Variants in SRF observed in about 807,000 individuals in gnomAD.
The protein encoded by SRF is c-fos serum response element-binding transcription factor.
SRF carries 7 observed loss-of-function variants against 37.1 expected under a neutral mutation model. That is an observed-to-expected ratio of 0.19 (90% confidence interval 0.11 to 0.35). The LOEUF (loss-of-function observed/expected upper bound fraction) is 0.35. Ranked by LOEUF, SRF falls within the 10% of genes least tolerant of loss-of-function variation. SRF has a pLI of 1.00. For synonymous variants in SRF, 285 were observed against 310.1 expected (o/e 0.92, Z 0.85); for missense variants, 395 against 694.4 (o/e 0.57, Z 4.85).
At position 43,172,166 on chromosome 6, in the gene SRF, G is replaced by A. The variant is rs765178182; in HGVS notation, c.510G>A (p.Lys170=). The A allele has an allele frequency of 4.3e-5, 70 of 1,609,826 alleles. 1 individual carries two copies. The highest frequency in any genetic ancestry group is 5.6e-5 in the Non-Finnish European group (66 of 1,179,624). The stretch of plus-strand genomic sequence containing the variant: ...GCAAGAGGAAGACGGGCATCATGAA[G>A]AAGGTACCAAGCCGGGGGGCTGGCC... ...TFSKRKTGIM[K]KAYELSTLTG... is the part of the protein sequence containing the mutation. The change falls in exon 1 of 7, where the codon AAG becomes AAA. Residue 170 remains lysine, a synonymous_variant. Coordinates refer to ENST00000265354, the MANE Select transcript of SRF (RefSeq NM_003131.4). The surrounding 1 kb of genome is among the most constrained non-coding windows in gnomAD (Gnocchi z 5.7).
At position 43,178,534 on chromosome 6, in the gene SRF, T is replaced by TACACACACAC. The variant is rs112596376; in HGVS notation, c.1354+59_1354+68dup. 3.5e-4 allele frequency: 524 copies of TACACACACAC among 1,506,958 alleles called. 1 individual carries two copies. The African/African-American group carries it at 6.8e-3, about 20-fold the overall frequency. 93.3% of individuals were successfully genotyped at this position (1,506,958 alleles called of 1,614,324 possible). On this transcript the variant is annotated intron_variant, in intron 5 of 6. Transcript: ENST00000265354. The surrounding 1 kb of genome is among the most constrained non-coding windows in gnomAD (Gnocchi z 4.3). The stretch of plus-strand genomic sequence containing the variant: ...GAAAGGAGGACCGTTTCCTTCTTTA[T>TACACACACAC]ACACACACACACACACACATACACA...
Position 43,174,085 on chromosome 6 carries a change from C to A in SRF, c.752C>A (p.Ser251Ter). Residue 251 changes from serine to a stop codon, truncating the protein, a stop_gained, in exon 2 of 7, where the codon TCG becomes TAG. Coordinates refer to ENST00000265354, the MANE Select transcript of SRF (RefSeq NM_003131.4). LOFTEE classifies it high-confidence loss of function. Reference protein sequence around the residue: ...FEETDLTYQVSESDSSGETKD... With the variant: ...FEETDLTYQV ...GAGACAGATCTCACCTACCAGGTGTCGGAGTCTGACAGCAGTGGGGAGACC... is the reference window on the plus strand; with the variant it reads ...GAGACAGATCTCACCTACCAGGTGTAGGAGTCTGACAGCAGTGGGGAGACC... 2 of 1,614,156 alleles carry A rather than the reference C, an allele frequency of 1.2e-6. No homozygotes were observed. The highest frequency in any genetic ancestry group is 2.2e-5 in the South Asian group (2 of 91,072).
chr6:43,179,716 C>G lies in SRF; in HGVS notation c.*526C>G, dbSNP rs1041728586. On this transcript the variant is annotated 3_prime_UTR_variant, in exon 7 of 7. Transcript: ENST00000265354. This position sits in a 1 kb window ranked among gnomAD's most constrained non-coding sequence, Gnocchi z 5.3. ...CTTCCTCACACTGCTGTCCTCTCCC[C>G]CTTCAGCTCCTGAGTAGCTGGGCCT... 4 of 164,900 alleles carry G rather than the reference C, an allele frequency of 2.4e-5. No homozygotes were observed. Among genetic ancestry groups the G allele is most frequent in the Non-Finnish European group, 5.4e-5 (4 of 74,328 alleles). The allele number at this position is 164,900 out of a possible 1,614,324, so 10.2% of individuals were successfully genotyped here.
rs768588222 is a variant in SRF at position 43,178,304 on chromosome 6, C to G, written c.1173C>G (p.Pro391=). 1.8e-5 allele frequency: 29 copies of G among 1,592,878 alleles called. No individual in the cohort carries two copies. The highest frequency in any genetic ancestry group is 1.5e-5 in the Non-Finnish European group (18 of 1,164,574). Reference sequence around the variant, plus strand: ...GTCTGTGTTTGCCAGTGACGCTGCCCGCCACCATCATGACGTCATCCGTGC... The same window carrying G: ...GTCTGTGTTTGCCAGTGACGCTGCCGGCCACCATCATGACGTCATCCGTGC... ...QTSSSGTVTL[P]ATIMTSSVPT... The change falls in exon 5 of 7, where the codon CCC becomes CCG. Residue 391 remains proline (P), a synonymous_variant. Transcript: ENST00000265354. This position sits in a 1 kb window ranked among gnomAD's most constrained non-coding sequence, Gnocchi z 4.3.
intron 4 of SRF, among the ~76,000 whole-genome samples, chr6:43,177,379 G>C (rs1019744229): frequency 6.6e-6 from 1 of 151,364 alleles, no homozygotes; most frequent in Non-Finnish European, 1.5e-5. Flanking sequence ...ACAGGTGCCC[G>C]CCACCACACC....
chr6:43,179,303 G>A lies in SRF; in HGVS notation c.*113G>A, dbSNP rs1217587455. The stretch of plus-strand genomic sequence containing the variant: ...CGGGCCGCAGGAGGGAGGCGGGGAG[G>A]AGGAACGGGCAGCCACAGGACTGAG... On this transcript the variant is annotated 3_prime_UTR_variant, in exon 7 of 7. Coordinates refer to ENST00000265354, the MANE Select transcript of SRF (RefSeq NM_003131.4). This position sits in a 1 kb window ranked among gnomAD's most constrained non-coding sequence, Gnocchi z 5.3. The A allele has an allele frequency of 1.0e-5, 12 of 1,146,416 alleles. No individual in the cohort carries two copies. The highest frequency in any genetic ancestry group is 1.3e-5 in the Non-Finnish European group (10 of 790,040). 71.0% of individuals were successfully genotyped at this position (1,146,416 alleles called of 1,614,324 possible).
At position 43,171,771 on chromosome 6, in the gene SRF, G is replaced by C; in HGVS notation, c.115G>C (p.Ala39Pro). Residue 39 changes from alanine (A) to proline (P), a missense_variant, in exon 1 of 7, where the codon GCT becomes CCT. Coordinates refer to ENST00000265354, the MANE Select transcript of SRF (RefSeq NM_003131.4). The surrounding 1 kb of genome is among the most constrained non-coding windows in gnomAD (Gnocchi z 6.5). ...RPGGGGGTRG[A>P]NGGRVPGNGA... ...GGGCGGCGGCGGCGGGACACGCGGG[G>C]CTAACGGGGGCCGGGTCCCCGGGAA... 1 of 1,211,742 alleles carries C rather than the reference G, an allele frequency of 8.3e-7. No individual in the cohort carries two copies. Among genetic ancestry groups the C allele is most frequent in the Non-Finnish European group, 1.0e-6 (1 of 975,340 alleles). The allele number at this position is 1,211,742 out of a possible 1,614,324, so 75.1% of individuals were successfully genotyped here. A position where few individuals can be genotyped will look rare whatever the true frequency, so the allele number is the denominator to read the frequency against.
chr6:43,173,864 G>C lies in SRF; in HGVS notation c.531G>C (p.Thr177=). ...GIMKKAYELS[T]LTGTQVLLLV... The stretch of plus-strand genomic sequence containing the variant: ...CCCCTCAGGCCTATGAGCTGTCCAC[G>C]CTGACAGGGACACAGGTGCTGTTGC... The change falls in exon 2 of 7, where the codon ACG becomes ACC. Residue 177 remains threonine (T), a synonymous_variant. Transcript: ENST00000265354. This position sits in a 1 kb window ranked among gnomAD's most constrained non-coding sequence, Gnocchi z 4.2. 2 of 1,614,040 alleles carry C rather than the reference G, an allele frequency of 1.2e-6. No homozygotes were observed. The highest frequency in any genetic ancestry group is 1.7e-6 in the Non-Finnish European group (2 of 1,179,972).
chr6:43,172,414 G>A lies in SRF; in HGVS notation c.513+245G>A. On this transcript the variant is annotated intron_variant, in intron 1 of 6. Coordinates refer to ENST00000265354, the MANE Select transcript of SRF (RefSeq NM_003131.4). The surrounding 1 kb of genome is among the most constrained non-coding windows in gnomAD (Gnocchi z 5.7). ...GAAAGGCGCAGAGGTGGGAGTGACC[G>A]GCGCCAGAGAGGAAGAGGGCCCTTG... 1 of 985,398 alleles carries A rather than the reference G, an allele frequency of 1.0e-6. No individual in the cohort carries two copies. The highest frequency in any genetic ancestry group is 1.2e-6 in the Non-Finnish European group (1 of 829,924). The allele number at this position is 985,398 out of a possible 1,614,324, so 61.0% of individuals were successfully genotyped here. A position where few individuals can be genotyped will look rare whatever the true frequency, so the allele number is the denominator to read the frequency against.
At position 43,178,665 on chromosome 6, in the gene SRF, A is replaced by T; in HGVS notation, c.1355-141A>T. 1 of 1,204,836 alleles carries T rather than the reference A, an allele frequency of 8.3e-7. No homozygotes were observed. The highest frequency in any genetic ancestry group is 1.2e-6 in the Non-Finnish European group (1 of 827,312). The allele number at this position is 1,204,836 out of a possible 1,614,324, so 74.6% of individuals were successfully genotyped here. On this transcript the variant is annotated intron_variant, in intron 5 of 6. Transcript: ENST00000265354. The surrounding 1 kb of genome is among the most constrained non-coding windows in gnomAD (Gnocchi z 4.3). ...CACTTGGACACTCACACCCGCATGC[A>T]CCCTCAGACACACTGGCACCCTTTC...
intron 2 of SRF, among the ~76,000 whole-genome samples, chr6:43,174,359 T>G (rs1772159965): frequency 6.6e-6 from 1 of 152,186 alleles, no homozygotes. Flanking sequence ...GCAGCCCGCC[T>G]GCCTGGCAGG....
Position 43,175,842 on chromosome 6 carries a change from T to C in SRF, c.917T>C (p.Val306Ala). The change falls in exon 3 of 7, where the codon GTG becomes GCG. Residue 306 changes from valine (V) to alanine (A), a missense_variant. Physicochemically the swap from Val to Ala is moderately conservative, Grantham distance 64. Coordinates refer to ENST00000265354, the MANE Select transcript of SRF (RefSeq NM_003131.4). ...CCCATCACCAACTACCTGGCACCAG[T>C]GTCTGCTAGTGTCAGCCCCAGTGCT... ...SFPITNYLAP[V>A]SASVSPSAVS... 6.2e-7 allele frequency: 1 copy of C among 1,614,130 alleles called. No individual in the cohort carries two copies. Among genetic ancestry groups the C allele is most frequent in the Non-Finnish European group, 8.5e-7 (1 of 1,180,008 alleles).
chr6:43,172,345 A>T lies in SRF; in HGVS notation c.513+176A>T. ...GCCGAAGGGGAGGGGCCGCCGGGGA[A>T]ATGTGGGGAGAGGGGAGATCCCGCG... On this transcript the variant is annotated intron_variant, in intron 1 of 6. Transcript: ENST00000265354. The surrounding 1 kb of genome is among the most constrained non-coding windows in gnomAD (Gnocchi z 5.7). The T allele has an allele frequency of 3.0e-6, 3 of 984,894 alleles. No individual in the cohort carries two copies. Among genetic ancestry groups the T allele is most frequent in the Non-Finnish European group, 2.4e-6 (2 of 829,734 alleles). The allele number at this position is 984,894 out of a possible 1,614,324, so 61.0% of individuals were successfully genotyped here.
chr6:43,173,142 G>A lies in SRF; in HGVS notation c.514-705G>A, dbSNP rs1281537519. On this transcript the variant is annotated intron_variant, in intron 1 of 6. Transcript: ENST00000265354. This position sits in a 1 kb window ranked among gnomAD's most constrained non-coding sequence, Gnocchi z 4.2. The stretch of plus-strand genomic sequence containing the variant: ...GGCATCTATGGGGCCATCCTTGAAG[G>A]TCCCCTTCCTGGGCTCATGGCAGGA... Among the ~76,000 whole-genome samples the A allele has an allele frequency of 6.6e-6, 1 of 152,078 alleles. No homozygotes were observed. Among genetic ancestry groups the A allele is most frequent in the Non-Finnish European group, 1.5e-5 (1 of 68,018 alleles).
chr6:43,178,783 T>A lies in SRF; in HGVS notation c.1355-23T>A, dbSNP rs762551523. On this transcript the variant is annotated intron_variant, in intron 5 of 6. Transcript: ENST00000265354. The surrounding 1 kb of genome is among the most constrained non-coding windows in gnomAD (Gnocchi z 4.3). The stretch of plus-strand genomic sequence containing the variant: ...GAAGTTTCAACAAACAATTTGAGTA[T>A]CTCCTGTGGTTTTCCAATGTAGGTG... The A allele has an allele frequency of 6.2e-7, 1 of 1,612,506 alleles. No individual in the cohort carries two copies. Among genetic ancestry groups the A allele is most frequent in the Non-Finnish European group, 8.5e-7 (1 of 1,178,560 alleles).
At position 43,174,915 on chromosome 6, in the gene SRF, T is replaced by G. The variant is rs543463839; in HGVS notation, c.781-791T>G. ...TTCTTCCCCTTCTAAGAACGAAGTC[T>G]TCCTTAGGGGAGAGTCAGTGCTGTA... On this transcript the variant is annotated intron_variant, in intron 2 of 6. Coordinates refer to ENST00000265354, the MANE Select transcript of SRF (RefSeq NM_003131.4). Among the ~76,000 whole-genome samples the G allele has an allele frequency of 3.9e-3, 590 of 152,334 alleles. 6 individuals carry two copies. The highest frequency in any genetic ancestry group is 0.022 in the South Asian group (108 of 4,826).
rs775690451 is a variant in SRF, at chr6:43,176,690, C to G, written c.1162+23C>G. ...CAGGTATAGCTCGCAGCCCTGTCAC[C>G]CTCCCTCCCTGCCTTCCCCCACGAG... On this transcript the variant is annotated intron_variant, in intron 4 of 6. Coordinates refer to ENST00000265354, the MANE Select transcript of SRF (RefSeq NM_003131.4). This position sits in a 1 kb window ranked among gnomAD's most constrained non-coding sequence, Gnocchi z 4.0. The G allele has an allele frequency of 6.2e-7, 1 of 1,608,660 alleles. No individual in the cohort carries two copies. Among genetic ancestry groups the G allele is most frequent in the East Asian group, 2.2e-5 (1 of 44,704 alleles).
intron 4 of SRF, among the ~76,000 whole-genome samples, chr6:43,177,464 T>C (rs1232986556): frequency 1.3e-5 from 2 of 150,948 alleles, no homozygotes; most frequent in Non-Finnish European, 3.0e-5. Flanking sequence ...TCTCCTGACC[T>C]CGTGATCCGC....
rs781456757 is a variant in SRF at position 43,174,013 on chromosome 6, G to A, written c.680G>A (p.Arg227His). 1.2e-6 allele frequency: 2 copies of A among 1,614,118 alleles called. No homozygotes were observed. Among genetic ancestry groups the A allele is most frequent in the Non-Finnish European group, 8.5e-7 (1 of 1,180,026 alleles). ...TCLNSPDSPP[R>H]SDPTTDQRMS... ...CTCAACTCGCCAGACTCTCCACCCC[G>A]TTCAGACCCCACAACAGACCAGAGA... The change falls in exon 2 of 7, where the codon CGT (arginine) becomes CAT (histidine). Residue 227 changes from arginine to histidine, a missense_variant. Around this residue, in one of 4 missense-constraint regions of SRF, gnomAD observed 20 missense variants for 37.2 expected, o/e 0.54. Transcript: ENST00000265354.
Sources: allele counts gnomAD v4.1 joint callset (sites outside exome capture counted in the v4.1 genomes callset), GRCh38; gene constraint gnomAD v4.1.1; regional missense constraint gnomAD v4.1.1; non-coding constraint Gnocchi (gnomAD v3.1); transcripts MANE v1.5; gene names NCBI Gene and HGNC (gene_info 2026-07-23, HGNC 2026-07-21).